The following C20orf96 variants were observed in gnomAD, a reference collection of about 807,000 sequenced individuals.
C20orf96 encodes uncharacterized protein C20orf96.
In C20orf96, 57 loss-of-function variants were observed where a neutral mutation model predicts 52.6. That is an observed-to-expected ratio of 1.08 (90% CI 0.88 to 1.35). The LOEUF (loss-of-function observed/expected upper bound fraction) is 1.35, where lower values mean the gene tolerates loss of function less well. Ranked by LOEUF, C20orf96 falls within the 40% of genes most tolerant of loss-of-function variation. The pLI is 0.00. For missense variants in C20orf96, 478 were observed against 443.6 expected (o/e 1.08, Z -0.70); for synonymous variants, 168 against 157.2 (o/e 1.07, Z -0.51).
In C20orf96 at chr20:276,615, C is replaced by T. The variant is rs192890784; in HGVS notation, c.912+178G>A. The T allele has an allele frequency of 2.1e-4, 300 of 1,443,086 alleles. 1 individual carries two copies. The African/African-American group carries it at 3.9e-3, about 19-fold the overall frequency. The allele number at this position is 1,443,086 out of a possible 1,614,324, so 89.4% of individuals were successfully genotyped here. A position where few individuals can be genotyped will look rare whatever the true frequency, so the allele number is the denominator to read the frequency against. On this transcript the variant is annotated intron_variant, in intron 9 of 10. Coordinates refer to ENST00000360321, the MANE Select transcript of C20orf96 (RefSeq NM_153269.3). ...AGGCAAGGCCTAGGTCAGTGCCAATCGCCTTCCCAGATGAAAGACAAGTGA... is the reference window on the plus strand; with the variant it reads ...AGGCAAGGCCTAGGTCAGTGCCAATTGCCTTCCCAGATGAAAGACAAGTGA...
intron 2 of C20orf96, 43 bp downstream of exon 2, chr20:290,216 G>A: frequency 2.0e-6 from 3 of 1,502,364 alleles, no homozygotes; most frequent in Non-Finnish European, 2.8e-6. Flanking sequence ...GGACTGCAGG[G>A]CCAGCGAGCC....
chr20:276,667 G>A, intron 9 of C20orf96, 126 bp downstream of exon 9: 3 of 1,492,868 alleles, frequency 2.0e-6, no homozygotes, highest in South Asian at 1.3e-5. Flanking sequence ...AAGGAGGGAG[G>A]CCAACACCAG....
Position 290,563 on chromosome 20 carries a change from ATTTTTTTTT to A in C20orf96, c.20+19_20+27del. 1 of 1,309,056 alleles carries A rather than the reference ATTTTTTTTT, an allele frequency of 7.6e-7. No homozygotes were observed. The highest frequency in any genetic ancestry group is 1.0e-6 in the Non-Finnish European group (1 of 972,184). The allele number at this position is 1,309,056 out of a possible 1,614,324, so 81.1% of individuals were successfully genotyped here. Reference sequence around the variant, plus strand: ...GCATGCGTATTCCGCCTTTCTTCCAATTTTTTTTTTTTTTTTTTTTTACCTACTTTTGTA... The same window carrying A: ...GCATGCGTATTCCGCCTTTCTTCCAATTTTTTTTTTTTACCTACTTTTGTA... On this transcript the variant is annotated intron_variant, in intron 1 of 10. Transcript: ENST00000360321.
intron 10 of C20orf96, among the ~76,000 whole-genome samples, chr20:273,124 G>A (rs571666712): frequency 1.3e-5 from 2 of 152,236 alleles, no homozygotes; most frequent in African/African-American, 4.8e-5. Flanking sequence ...ACAGGCGCAC[G>A]CCACCACGCC....
chr20:286,953 T>C (rs1231094260), intron 3 of C20orf96, among the ~76,000 whole-genome samples: 2 of 152,214 alleles, frequency 1.3e-5, no homozygotes, highest in Non-Finnish European at 2.9e-5. Context: ...CTTGGCATAA[T>C]TCTCTGGAGA....
At chr20:272,660 AT>A (rs1568488760) in intron 10 of C20orf96, among the ~76,000 whole-genome samples, 4 of 151,950 alleles carry the variant, frequency 2.6e-5, no homozygotes, top group Middle Eastern at 3.4e-3. Flanking sequence ...CTGCCTCCAA[AT>A]AAACTTTTTG....
chr20:287,924 A>AAAAAAAAAG, intron 3 of C20orf96, among the ~76,000 whole-genome samples: 1 of 150,240 alleles, frequency 6.7e-6, no homozygotes, highest in Non-Finnish European at 1.5e-5. Context: ...AAAAAAAAAA[A>AAAAAAAAAG]AAAAAAGTCT....
At position 290,268 on chromosome 20, in the gene C20orf96, G is replaced by C. The variant is rs1414518543; in HGVS notation, c.60C>G (p.Phe20Leu). 6.2e-7 allele frequency: 1 copy of C among 1,612,378 alleles called. No individual in the cohort carries two copies. The highest frequency in any genetic ancestry group is 1.1e-5 in the South Asian group (1 of 90,590). ...GTCCCCCAAGACTCACCGGAACCTGGAACTCCTGGACTATGGAGTGAGTCC... is the reference window on the plus strand; with the variant it reads ...GTCCCCCAAGACTCACCGGAACCTGCAACTCCTGGACTATGGAGTGAGTCC... The part of the protein sequence containing the change: ...HSGTHSIVQE[F>L]QVPDYVPWQQ... Residue 20 changes from phenylalanine (F) to leucine (L), a missense_variant, in exon 2 of 11, where the codon TTC becomes TTG. By Grantham distance (22) the Phe-to-Leu change is conservative. Coordinates refer to ENST00000360321, the MANE Select transcript of C20orf96 (RefSeq NM_153269.3).
In C20orf96 at chr20:290,612, G is replaced by A. The variant is rs2012521739; in HGVS notation, c.-2C>T. The A allele has an allele frequency of 1.3e-6, 2 of 1,599,804 alleles. No individual in the cohort carries two copies. Among genetic ancestry groups the A allele is most frequent in the African/African-American group, 1.4e-5 (1 of 70,252 alleles). ...CTACTTTTGTAAGACATGCGCCATT[G>A]GGGAAAATGGAAGAGAAGTTGCGAG... On this transcript the variant is annotated 5_prime_UTR_variant, in exon 1 of 11. Transcript: ENST00000360321.
At chr20:276,611 C>T in intron 9 of C20orf96, 182 bp downstream of exon 9, 2 of 1,441,952 alleles carry the variant, frequency 1.4e-6, no homozygotes, top group Non-Finnish European at 1.8e-6. Context: ...AGGTCAGTGC[C>T]AATCGCCTTC....
intron 3 of C20orf96, among the ~76,000 whole-genome samples, chr20:285,499 T>C (rs1243212631): frequency 6.6e-6 from 1 of 151,592 alleles, no homozygotes; most frequent in Admixed American, 6.6e-5. Flanking sequence ...GGTTTTTAGT[T>C]GTATTGTATA....
chr20:289,708 A>G, intron 2 of C20orf96, 32 bp from the exon 3 acceptor site: 2 of 1,520,974 alleles, frequency 1.3e-6, no homozygotes, highest in Non-Finnish European at 1.8e-6. Flanking sequence ...ACATAGCACC[A>G]TGAGTTTATA....
rs761679252 is a variant in C20orf96, at chr20:290,587, C to G, written c.20+4G>C. On this transcript the variant is annotated splice_donor_region_variant and intron_variant, in intron 1 of 10. Coordinates refer to ENST00000360321, the MANE Select transcript of C20orf96 (RefSeq NM_153269.3). Reference sequence around the variant, plus strand: ...AATTTTTTTTTTTTTTTTTTTTTACCTACTTTTGTAAGACATGCGCCATTG... The same window carrying G: ...AATTTTTTTTTTTTTTTTTTTTTACGTACTTTTGTAAGACATGCGCCATTG... 1 of 1,253,750 alleles carries G rather than the reference C, an allele frequency of 8.0e-7. No individual in the cohort carries two copies. Among genetic ancestry groups the G allele is most frequent in the East Asian group, 2.7e-5 (1 of 37,444 alleles). The allele number at this position is 1,253,750 out of a possible 1,614,324, so 77.7% of individuals were successfully genotyped here. A position where few individuals can be genotyped will look rare whatever the true frequency, so the allele number is the denominator to read the frequency against.
intron 10 of C20orf96, among the ~76,000 whole-genome samples, chr20:274,829 A>T (rs76820932): frequency 0.15 from 19,543 of 126,224 alleles, 1,926 homozygotes; most frequent in African/African-American, 0.29. Flanking sequence ...TTAAAAAAAA[A>T]TTTTTTTTTA....
rs2012321607 is a variant in C20orf96, at chr20:284,092, A to G, written c.188-11T>C. ...GCTTGAAGTGAAACACTAGGGGTAG[A>G]CAGGAAAGGACAGGGAGAGAGTGAG... On this transcript the variant is annotated splice_polypyrimidine_tract_variant and intron_variant, in intron 3 of 10. Transcript: ENST00000360321. The G allele has an allele frequency of 6.2e-7, 1 of 1,603,522 alleles. No homozygotes were observed. The highest frequency in any genetic ancestry group is 1.3e-5 in the African/African-American group (1 of 74,664).
At chr20:275,035 T>C (rs1488696167) in intron 10 of C20orf96, among the ~76,000 whole-genome samples, 1 of 152,148 alleles carries the variant, frequency 6.6e-6, no homozygotes, top group Non-Finnish European at 1.5e-5. Flanking sequence ...GCCAGGCTGG[T>C]CTTGAACTCC....
At chr20:274,744 A>C (rs888728057) in intron 10 of C20orf96, among the ~76,000 whole-genome samples, 1 of 151,984 alleles carries the variant, frequency 6.6e-6, no homozygotes. Context: ...CAAATGTCAC[A>C]TCCTCAGGAA....
chr20:273,473 C>T (rs1325609453), intron 10 of C20orf96, among the ~76,000 whole-genome samples: 1 of 152,196 alleles, frequency 6.6e-6, no homozygotes, highest in Non-Finnish European at 1.5e-5. Flanking sequence ...TCACTCAGCT[C>T]CGTGTCAATG....
Position 289,655 on chromosome 20 carries a change from A to G in C20orf96, c.91T>C (p.Ser31Pro), listed in dbSNP as rs1258081046. The change falls in exon 3 of 11, where the codon TCC becomes CCC. Residue 31 changes from serine (S) to proline (P), a missense_variant. Physicochemically the swap from Ser to Pro is moderately conservative, Grantham distance 74 (BLOSUM62 -1). Transcript: ENST00000360321. ...GTAGATGGCTTGGTTTCCTGCTTGGACTGCTGCCATGGAACATAATCCTAC... is the reference window on the plus strand; with the variant it reads ...GTAGATGGCTTGGTTTCCTGCTTGGGCTGCTGCCATGGAACATAATCCTAC... ...QVPDYVPWQQ[S>P]KQETKPSTLP... 6.2e-7 allele frequency: 1 copy of G among 1,613,944 alleles called. No homozygotes were observed.
Sources: allele counts gnomAD v4.1 joint callset (sites outside exome capture counted in the v4.1 genomes callset), GRCh38; gene constraint gnomAD v4.1.1; transcripts MANE v1.5; gene names NCBI Gene and HGNC (gene_info 2026-07-23, HGNC 2026-07-21).